The following LOC128706666 variants were observed in gnomAD, a reference collection of about 807,000 sequenced individuals.
At chr20:10,424,812 G>A in the LOC128706666 span, among the ~76,000 whole-genome samples, 2 of 152,086 alleles carry the variant, frequency 1.3e-5, no homozygotes, top group African/African-American at 2.4e-5. Flanking sequence ...AGCACTTTGG[G>A]AGGCCGAGGC....
chr20:10,418,141 T>C, the LOC128706666 span, among the ~76,000 whole-genome samples: 365 of 152,358 alleles, frequency 2.4e-3, 2 homozygotes, highest in Non-Finnish European at 3.0e-3. Context: ...GTGTGTTTAT[T>C]CTTACTGTTA....
the LOC128706666 span, among the ~76,000 whole-genome samples, chr20:10,424,985 G>A: frequency 6.6e-6 from 1 of 151,458 alleles, no homozygotes; most frequent in Admixed American, 6.6e-5. Context: ...CCTGGGAGGC[G>A]GAGGTTGCAG....
chr20:10,427,241 G>A, the LOC128706666 span, among the ~76,000 whole-genome samples: 3 of 152,130 alleles, frequency 2.0e-5, no homozygotes, highest in Non-Finnish European at 4.4e-5. Flanking sequence ...TGGATGCAGG[G>A]AATGTTACAT....
the LOC128706666 span, among the ~76,000 whole-genome samples, chr20:10,414,389 C>T: frequency 6.6e-6 from 1 of 151,976 alleles, no homozygotes; most frequent in Non-Finnish European, 1.5e-5. Flanking sequence ...CCTCACCCTC[C>T]TCAGTGGCAG....
At chr20:10,424,747 G>GT in the LOC128706666 span, among the ~76,000 whole-genome samples, 1 of 151,932 alleles carries the variant, frequency 6.6e-6, no homozygotes, top group Non-Finnish European at 1.5e-5. Context: ...TTCCTCTGTG[G>GT]TTTTTTACAA....
At chr20:10,418,890 T>A in the LOC128706666 span, among the ~76,000 whole-genome samples, 1 of 152,118 alleles carries the variant, frequency 6.6e-6, no homozygotes, top group Non-Finnish European at 1.5e-5. Flanking sequence ...CCTGCTTATA[T>A]ATATTAAAAC....
chr20:10,433,742 T>TC, the LOC128706666 span, among the ~76,000 whole-genome samples: 1 of 151,842 alleles, frequency 6.6e-6, no homozygotes, highest in East Asian at 2.0e-4. Flanking sequence ...CTCCAGACAG[T>TC]CAGGGGCACA....
At chr20:10,414,339 C>G in the LOC128706666 span, among the ~76,000 whole-genome samples, 1 of 146,354 alleles carries the variant, frequency 6.8e-6, no homozygotes, top group Admixed American at 7.0e-5. Flanking sequence ...GATCTTGGCT[C>G]ACCACAACCT....
the LOC128706666 span, among the ~76,000 whole-genome samples, chr20:10,427,051 C>G: frequency 3.6e-5 from 5 of 138,806 alleles, no homozygotes; most frequent in African/African-American, 1.0e-4. Context: ...CACACACACA[C>G]ACACACACAC....
chr20:10,424,454 T>C, the LOC128706666 span, among the ~76,000 whole-genome samples: 1 of 152,266 alleles, frequency 6.6e-6, no homozygotes, highest in South Asian at 2.1e-4. Context: ...AACTACTTCA[T>C]TTCTTTCACT....
the LOC128706666 span, among the ~76,000 whole-genome samples, chr20:10,419,724 A>T: frequency 3.9e-5 from 6 of 152,212 alleles, no homozygotes; most frequent in Admixed American, 3.9e-4. Context: ...GAGTGCTGCT[A>T]AGTGACTAAC....
the LOC128706666 span, among the ~76,000 whole-genome samples, chr20:10,430,318 A>T: frequency 2.0e-5 from 3 of 152,188 alleles, no homozygotes; most frequent in Non-Finnish European, 4.4e-5. Flanking sequence ...GTGGCCTTGG[A>T]TTAGTCACTT....
chr20:10,423,451 G>A, the LOC128706666 span, among the ~76,000 whole-genome samples: 1 of 152,046 alleles, frequency 6.6e-6, no homozygotes, highest in Admixed American at 6.6e-5. Context: ...AAAAGAGACT[G>A]GATAGGATAA....
At chr20:10,420,240 T>C in the LOC128706666 span, among the ~76,000 whole-genome samples, 1 of 152,214 alleles carries the variant, frequency 6.6e-6, no homozygotes, top group Non-Finnish European at 1.5e-5. Flanking sequence ...TGATATGTAA[T>C]GGTAAGGAGT....
At chr20:10,423,904 T>C in the LOC128706666 span, among the ~76,000 whole-genome samples, 1 of 152,374 alleles carries the variant, frequency 6.6e-6, no homozygotes, top group East Asian at 1.9e-4. Context: ...ACTGATTTAA[T>C]GATTAATTGC....
chr20:10,422,137 T>A, the LOC128706666 span, among the ~76,000 whole-genome samples: 6 of 152,174 alleles, frequency 3.9e-5, no homozygotes, highest in African/African-American at 1.4e-4. Flanking sequence ...ATAAAAGATG[T>A]TATCTTATAG....
At chr20:10,416,958 T>C in the LOC128706666 span, among the ~76,000 whole-genome samples, 2 of 152,110 alleles carry the variant, frequency 1.3e-5, no homozygotes, top group East Asian at 3.8e-4. Flanking sequence ...GCCTAAAATA[T>C]TTACTATCTG....
chr20:10,414,740 C>T, the LOC128706666 span, among the ~76,000 whole-genome samples: 82 of 152,260 alleles, frequency 5.4e-4, no homozygotes, highest in African/African-American at 1.8e-3. Flanking sequence ...GTTGGCATGT[C>T]TACTGCAGGA....
chr20:10,431,222 A>C, the LOC128706666 span, among the ~76,000 whole-genome samples: 11 of 152,156 alleles, frequency 7.2e-5, no homozygotes, highest in African/African-American at 2.7e-4. Flanking sequence ...TTATCATCGA[A>C]TATTTTGACT....
Sources: allele counts gnomAD v4.1 joint callset (sites outside exome capture counted in the v4.1 genomes callset), GRCh38; gene constraint gnomAD v4.1.1; transcripts MANE v1.5.